Variants in KLHL29 observed in about 807,000 individuals in gnomAD.
The protein encoded by KLHL29 is kelch-like protein 29.
Under a neutral mutation model 80.4 loss-of-function variants are expected in KLHL29, and 21 were observed. The ratio of observed to expected loss-of-function variants is 0.26; its 90% CI spans 0.19 to 0.38. The LOEUF (loss-of-function observed/expected upper bound fraction) is 0.38. Ranked by LOEUF, KLHL29 falls within the 10% of genes least tolerant of loss-of-function variation. The pLI, the probability that KLHL29 is intolerant of heterozygous loss-of-function variation, is 1.00. For missense variants in KLHL29, 867 were observed against 1,223.9 expected, an observed-to-expected ratio of 0.71 and a Z score of 4.35; for synonymous variants, 511 against 526.8, an observed-to-expected ratio of 0.97 and a Z score of 0.41.
chr2:23,469,089 A>G (rs952527193), intron 1 of KLHL29, among the ~76,000 whole-genome samples: 1 of 152,180 alleles, frequency 6.6e-6, no homozygotes, highest in Non-Finnish European at 1.5e-5. Context: ...ACTCCAGTCA[A>G]GTCTTGTTTA....
intron 3 of KLHL29, among the ~76,000 whole-genome samples, chr2:23,588,295 C>T (rs903539821): frequency 7.9e-5 from 12 of 152,178 alleles, no homozygotes; most frequent in Non-Finnish European, 1.5e-4. Flanking sequence ...TGGGAAGGTG[C>T]ACCTGCCCAC....
chr2:23,392,473 T>C (rs1026398999), intron 1 of KLHL29, among the ~76,000 whole-genome samples: 18 of 152,236 alleles, frequency 1.2e-4, no homozygotes, highest in Non-Finnish European at 1.3e-4. Flanking sequence ...CTACCTATTA[T>C]TCAATCACCA....
chr2:23,686,647 G>A (rs960184474), intron 6 of KLHL29, among the ~76,000 whole-genome samples: 1 of 152,186 alleles, frequency 6.6e-6, no homozygotes, highest in African/African-American at 2.4e-5. Flanking sequence ...GGCCAGTGTC[G>A]GGAGAGCTGG....
intron 3 of KLHL29, among the ~76,000 whole-genome samples, chr2:23,581,828 C>A (rs1012938601): frequency 2.8e-3 from 234 of 82,854 alleles, no homozygotes; most frequent in East Asian, 6.9e-3. Flanking sequence ...AACTCTGCCT[C>A]AAAAAAAAAA....
intron 1 of KLHL29, among the ~76,000 whole-genome samples, chr2:23,409,216 G>C (rs2723110): frequency 6.6e-6 from 1 of 152,116 alleles, no homozygotes; most frequent in African/African-American, 2.4e-5. Context: ...AGAGAGCAAA[G>C]AAGAAGAGAA....
Position 23,388,220 on chromosome 2 carries a change from C to T in KLHL29, c.-154+2440C>T, listed in dbSNP as rs577967180. ...TGGGAGACAAGCAAGACTGAGAATT[C>T]AGGTTTGTGGGAGGTTTATTGAAAC... On this transcript the variant is annotated intron_variant, in intron 1 of 13. Coordinates refer to ENST00000486442, the MANE Select transcript of KLHL29 (RefSeq NM_052920.2). Among the ~76,000 whole-genome samples, 4 of 152,240 alleles carry T rather than the reference C, an allele frequency of 2.6e-5. No individual in the cohort carries two copies. The East Asian group carries it at 7.7e-4, about 29-fold the overall frequency.
intron 4 of KLHL29, among the ~76,000 whole-genome samples, chr2:23,641,193 G>A (rs548862180): frequency 6.6e-6 from 1 of 152,268 alleles, no homozygotes; most frequent in African/African-American, 2.4e-5. Flanking sequence ...GGCCCCCTTA[G>A]GTCACCCCGC....
chr2:23,477,922 T>TC (rs1374934704), intron 2 of KLHL29, among the ~76,000 whole-genome samples: 1 of 152,230 alleles, frequency 6.6e-6, no homozygotes, highest in Admixed American at 6.5e-5. Flanking sequence ...TGGGGTCTAA[T>TC]CTTCCCTGCT....
At chr2:23,547,579 C>T (rs1185497148) in intron 2 of KLHL29, among the ~76,000 whole-genome samples, 1 of 151,950 alleles carries the variant, frequency 6.6e-6, no homozygotes, top group Non-Finnish European at 1.5e-5. Flanking sequence ...GTTCGCTTTC[C>T]GTAGTAGAAG....
intron 1 of KLHL29, among the ~76,000 whole-genome samples, chr2:23,409,117 C>T (rs1406526927): frequency 1.3e-5 from 2 of 152,112 alleles, no homozygotes; most frequent in Non-Finnish European, 2.9e-5. Context: ...GCCAGACAAA[C>T]GTGAGTATGA....
chr2:23,463,826 T>A (rs1379639846), intron 1 of KLHL29, among the ~76,000 whole-genome samples: 1 of 152,142 alleles, frequency 6.6e-6, no homozygotes, highest in Non-Finnish European at 1.5e-5. Context: ...TAATCAGAAA[T>A]GATTATATTT....
intron 3 of KLHL29, among the ~76,000 whole-genome samples, chr2:23,577,783 C>A (rs1375871355): frequency 2.0e-5 from 3 of 151,720 alleles, no homozygotes; most frequent in Admixed American, 6.6e-5. Flanking sequence ...ATCAGTAGGG[C>A]TTCCTGGCCA....
At chr2:23,412,482 A>C (rs888327062) in intron 1 of KLHL29, among the ~76,000 whole-genome samples, 2 of 152,058 alleles carry the variant, frequency 1.3e-5, no homozygotes, top group Admixed American at 6.6e-5. Context: ...TCAAACTTGA[A>C]CCAGTGCATC....
intron 5 of KLHL29, among the ~76,000 whole-genome samples, chr2:23,651,381 C>T (rs908582520): frequency 6.6e-6 from 1 of 152,132 alleles, no homozygotes; most frequent in Non-Finnish European, 1.5e-5. Flanking sequence ...CTCTCACTAC[C>T]TTGCCCTCCC....
rs1438579206 is a variant in KLHL29, at chr2:23,703,166, CTT to C, written c.2106-16_2106-15del. 1 of 1,403,772 alleles carries C rather than the reference CTT, an allele frequency of 7.1e-7. No individual in the cohort carries two copies. The allele number at this position is 1,403,772 out of a possible 1,614,324, so 87.0% of individuals were successfully genotyped here. A position where few individuals can be genotyped will look rare whatever the true frequency, so the allele number is the denominator to read the frequency against. On this transcript the variant is annotated intron_variant, in intron 11 of 13. Transcript: ENST00000486442. The stretch of plus-strand genomic sequence containing the variant: ...ACAAGGTCCATCTTGACCCTGGGCT[CTT>C]TTTCTCCTCTCCTGCAGGTACGACA...
chr2:23,620,346 C>CGGCAA (rs1669140389), intron 3 of KLHL29, among the ~76,000 whole-genome samples: 1 of 152,180 alleles, frequency 6.6e-6, no homozygotes, highest in Non-Finnish European at 1.5e-5. Flanking sequence ...AGAAAAAGAA[C>CGGCAA]TGCCTTGCCA....
chr2:23,406,781 A>ATG (rs911482224), intron 1 of KLHL29, among the ~76,000 whole-genome samples: 25 of 152,330 alleles, frequency 1.6e-4, no homozygotes, highest in Admixed American at 6.5e-4. Flanking sequence ...TATGAGACTT[A>ATG]TGTGAGATCA....
At chr2:23,453,577 C>A (rs1572330395) in intron 1 of KLHL29, among the ~76,000 whole-genome samples, 2 of 152,334 alleles carry the variant, frequency 1.3e-5, no homozygotes, top group South Asian at 4.1e-4. Context: ...CTGCTGGGTT[C>A]TGGCAGCCCC....
intron 2 of KLHL29, among the ~76,000 whole-genome samples, chr2:23,482,403 C>T (rs1038694988): frequency 6.6e-6 from 1 of 152,238 alleles, no homozygotes; most frequent in African/African-American, 2.4e-5. Context: ...TTGTGTCCTC[C>T]GTGAGGGCAC....
Sources: gnomAD v4.1 joint callset for allele counts (sites outside exome capture counted in the v4.1 genomes callset) on GRCh38, gnomAD v4.1.1 for gene constraint, MANE v1.5 for transcripts, NCBI Gene and HGNC (gene_info 2026-07-23, HGNC 2026-07-21) for gene names.